Variants in PLCB4 observed in about 807,000 individuals in gnomAD.
The protein encoded by PLCB4 is phospholipase C beta 4.
PLCB4 carries 77 observed loss-of-function variants against 178.8 expected under a neutral mutation model. The observed-to-expected ratio is 0.43, with a 90% CI of 0.36 to 0.52. PLCB4 has a LOEUF of 0.52. Ranked by LOEUF, PLCB4 falls within the 20% of genes least tolerant of loss-of-function variation. PLCB4 has a pLI of 0.00. For missense variants in PLCB4, 1,024 were observed against 1,453.4 expected (o/e 0.70, Z 4.80); for synonymous variants, 496 against 490.8 (o/e 1.01, Z -0.14).
At chr20:9,108,034 C>T (rs1354157914) in intron 2 of PLCB4, among the ~76,000 whole-genome samples, 1 of 151,962 alleles carries the variant, frequency 6.6e-6, no homozygotes, top group African/African-American at 2.4e-5. Flanking sequence ...TGTGCCTGGG[C>T]AATTGAAAAG....
Position 9,331,508 on chromosome 20 carries a change from A to G in PLCB4, c.85-5618A>G, listed in dbSNP as rs6039440. 4.0e-3 allele frequency among the ~76,000 whole-genome samples: 612 copies of G among 152,278 alleles called. 4 individuals carry two copies. The highest frequency in any genetic ancestry group is 0.013 in the African/African-American group (538 of 41,558). On this transcript the variant is annotated intron_variant, in intron 4 of 39. Transcript: ENST00000378473. Reference sequence around the variant, plus strand: ...TAACTACAACTCACAATTAAAATAAAATCAGCTACCACTTAGCTGTATCCC... The same window carrying G: ...TAACTACAACTCACAATTAAAATAAGATCAGCTACCACTTAGCTGTATCCC...
At chr20:9,473,443 C>T (rs1214493701) in intron 38 of PLCB4, 78 bp downstream of exon 38, 1 of 703,928 alleles carries the variant, frequency 1.4e-6, no homozygotes, top group African/African-American at 1.8e-5. Flanking sequence ...CCACAGTGAC[C>T]AGTGGCTTGC....
Position 9,206,172 on chromosome 20 carries a change from C to G in PLCB4, c.-78-11218C>G, listed in dbSNP as rs555296130. 3.3e-5 allele frequency among the ~76,000 whole-genome samples: 5 copies of G among 152,074 alleles called. No homozygotes were observed. In the East Asian group the frequency reaches 9.7e-4, roughly 29 times the overall value. Reference sequence around the variant, plus strand: ...CCTGTGTTAAATGGTGTATTTTGTTCTGCTAACTTTAAATCAGGTTATTTG... The same window carrying G: ...CCTGTGTTAAATGGTGTATTTTGTTGTGCTAACTTTAAATCAGGTTATTTG... On this transcript the variant is annotated intron_variant, in intron 2 of 39. Coordinates refer to ENST00000378473, the MANE Select transcript of PLCB4 (RefSeq NM_001377142.1).
chr20:9,081,964 T>C (rs2090170946), intron 1 of PLCB4, among the ~76,000 whole-genome samples: 1 of 151,708 alleles, frequency 6.6e-6, no homozygotes, highest in African/African-American at 2.4e-5. Flanking sequence ...ATCAGTATAC[T>C]AGATCCAGAG....
intron 3 of PLCB4, among the ~76,000 whole-genome samples, chr20:9,287,402 C>A (rs1416905399): frequency 2.0e-5 from 3 of 152,000 alleles, no homozygotes; most frequent in Admixed American, 1.3e-4. Flanking sequence ...AGACCTTAAC[C>A]ATGTTTCTGT....
At chr20:9,148,807 C>T (rs573359881) in intron 2 of PLCB4, among the ~76,000 whole-genome samples, 2 of 152,198 alleles carry the variant, frequency 1.3e-5, no homozygotes, top group Non-Finnish European at 2.9e-5. Context: ...TCTGGTCCAA[C>T]AGATGTGTTT....
intron 3 of PLCB4, among the ~76,000 whole-genome samples, chr20:9,293,198 A>G (rs961857903): frequency 4.0e-5 from 6 of 150,908 alleles, no homozygotes; most frequent in African/African-American, 1.5e-4. Context: ...GGGAAAGGGA[A>G]AGAAGAATGA....
At position 9,377,867 on chromosome 20, in the gene PLCB4, A is replaced by G. The variant is rs371977480; in HGVS notation, c.745-2187A>G. ...CAAATATGTTAAAATGCATACCTTTATATGTTAGGTAAAGTGATTCTTATA... is the reference window on the plus strand; with the variant it reads ...CAAATATGTTAAAATGCATACCTTTGTATGTTAGGTAAAGTGATTCTTATA... On this transcript the variant is annotated intron_variant, in intron 12 of 39. Transcript: ENST00000378473. Among the ~76,000 whole-genome samples the G allele has an allele frequency of 6.6e-5, 10 of 152,228 alleles. 1 individual carries two copies. In the East Asian group the frequency reaches 1.7e-3, roughly 26 times the overall value.
chr20:9,404,604 CAAAAAAA>C (rs34712600), intron 20 of PLCB4, among the ~76,000 whole-genome samples: 3 of 65,726 alleles, frequency 4.6e-5, no homozygotes, highest in Non-Finnish European at 9.4e-5. Flanking sequence ...GACTGTGTCT[CAAAAAAA>C]AAAAAAAAAA....
intron 2 of PLCB4, among the ~76,000 whole-genome samples, chr20:9,129,492 A>C (rs1357842845): frequency 6.6e-6 from 1 of 152,146 alleles, no homozygotes; most frequent in Non-Finnish European, 1.5e-5. Context: ...GTTTCCTGGA[A>C]TATTTCCTCC....
chr20:9,291,392 A>G (rs1055736343), intron 3 of PLCB4, among the ~76,000 whole-genome samples: 1 of 152,152 alleles, frequency 6.6e-6, no homozygotes, highest in Non-Finnish European at 1.5e-5. Flanking sequence ...ATTTTAAGTA[A>G]TAGTTAATTA....
At chr20:9,181,036 G>A (rs2093237792) in intron 2 of PLCB4, among the ~76,000 whole-genome samples, 1 of 152,198 alleles carries the variant, frequency 6.6e-6, no homozygotes, top group Non-Finnish European at 1.5e-5. Context: ...TTGTAATGCA[G>A]AGAAAGTTCT....
intron 3 of PLCB4, among the ~76,000 whole-genome samples, chr20:9,295,586 A>G (rs2094624660): frequency 6.6e-6 from 1 of 152,150 alleles, no homozygotes; most frequent in Non-Finnish European, 1.5e-5. Context: ...AAGAAACAAG[A>G]TGACTTTTGT....
At chr20:9,348,762 A>G (rs2034054866) in intron 7 of PLCB4, among the ~76,000 whole-genome samples, 1 of 152,228 alleles carries the variant, frequency 6.6e-6, no homozygotes, top group African/African-American at 2.4e-5. Flanking sequence ...TTCTTCAGGA[A>G]CATGCAGCTG....
intron 2 of PLCB4, among the ~76,000 whole-genome samples, chr20:9,102,606 C>G (rs2091198853): frequency 6.6e-6 from 1 of 152,132 alleles, no homozygotes; most frequent in Admixed American, 6.5e-5. Flanking sequence ...TTTATGCATG[C>G]TGATATATTT....
chr20:9,079,532 C>T (rs533851619), intron 1 of PLCB4, among the ~76,000 whole-genome samples: 26 of 152,166 alleles, frequency 1.7e-4, no homozygotes, highest in Non-Finnish European at 3.2e-4. Context: ...TTCCATTAGC[C>T]GAACCCAGAC....
chr20:9,449,650 C>T (rs1299642527), intron 32 of PLCB4, among the ~76,000 whole-genome samples: 1 of 152,210 alleles, frequency 6.6e-6, no homozygotes, highest in Non-Finnish European at 1.5e-5. Context: ...AGGCAGGATA[C>T]ATTCCTTAGG....
chr20:9,214,587 A>ACACACT (rs1190131369), intron 2 of PLCB4, among the ~76,000 whole-genome samples: 1 of 151,810 alleles, frequency 6.6e-6, no homozygotes, highest in African/African-American at 2.4e-5. Context: ...ACACACACAC[A>ACACACT]CACACAGCCT....
intron 7 of PLCB4, among the ~76,000 whole-genome samples, chr20:9,353,599 A>G (rs368289587): frequency 6.6e-6 from 1 of 152,204 alleles, no homozygotes; most frequent in Non-Finnish European, 1.5e-5. Flanking sequence ...TTTGAAAGAT[A>G]AAATGTTCAT....
Sources: allele counts gnomAD v4.1 joint callset (sites outside exome capture counted in the v4.1 genomes callset), GRCh38; gene constraint gnomAD v4.1.1; transcripts MANE v1.5; gene names NCBI Gene and HGNC (gene_info 2026-07-23, HGNC 2026-07-21).